The following ZDHHC17 variants were observed in gnomAD, a reference collection of about 807,000 sequenced individuals.
ZDHHC17 encodes zDHHC palmitoyltransferase 17, also known as palmitoyltransferase ZDHHC17.
Under a neutral mutation model 90.3 loss-of-function variants are expected in ZDHHC17, and 40 were observed. The ratio of observed to expected loss-of-function variants is 0.44; its 90% CI spans 0.34 to 0.58. ZDHHC17 has a LOEUF of 0.58. Ranked by LOEUF, ZDHHC17 falls within the 20% of genes least tolerant of loss-of-function variation. ZDHHC17 has a pLI of 0.01. For synonymous variants in ZDHHC17, 235 were observed against 252.4 expected (o/e 0.93, Z 0.65); for missense variants, 614 against 780.8 (o/e 0.79, Z 2.55).
intron 10 of ZDHHC17, among the ~76,000 whole-genome samples, chr12:76,833,086 A>G (rs1953324247): frequency 6.6e-6 from 1 of 152,138 alleles, no homozygotes; most frequent in South Asian, 2.1e-4. Context: ...TTATGGTGAT[A>G]ATGAATTTTA....
intron 1 of ZDHHC17, among the ~76,000 whole-genome samples, chr12:76,768,489 A>C (rs889672652): frequency 2.9e-4 from 44 of 152,386 alleles, no homozygotes; most frequent in African/African-American, 9.4e-4. Context: ...TAAAAAAGAT[A>C]GCATATGTTT....
intron 1 of ZDHHC17, among the ~76,000 whole-genome samples, chr12:76,786,995 A>G (rs1224423028): frequency 6.6e-6 from 1 of 152,204 alleles, no homozygotes; most frequent in Non-Finnish European, 1.5e-5. Context: ...TTGCCATTCA[A>G]ATTACATTTT....
chr12:76,765,305 A>G (rs576479629), intron 1 of ZDHHC17, among the ~76,000 whole-genome samples: 158 of 152,348 alleles, frequency 1.0e-3, no homozygotes, highest in African/African-American at 3.7e-3. Flanking sequence ...GGTTTGTACC[A>G]TGCCACTAGT....
At chr12:76,823,897 A>C (rs11115603) in intron 8 of ZDHHC17, among the ~76,000 whole-genome samples, 91,098 of 151,884 alleles carry the variant, frequency 0.6, 27,376 homozygotes, top group East Asian at 0.67. Flanking sequence ...TAGATATGAT[A>C]TAGAAAATGA....
intron 2 of ZDHHC17, among the ~76,000 whole-genome samples, chr12:76,804,544 T>C (rs1325850302): frequency 1.3e-5 from 2 of 152,220 alleles, no homozygotes; most frequent in Admixed American, 6.5e-5. Context: ...ACATGGCTTA[T>C]GCACCTAGTG....
At chr12:76,849,338 AAAAC>A in intron 15 of ZDHHC17, 34 bp from the exon 16 acceptor site, 2 of 1,135,448 alleles carry the variant, frequency 1.8e-6, no homozygotes, top group South Asian at 1.5e-5. Flanking sequence ...AAAAAAAAAA[AAAAC>A]AAGAATAATG....
intron 1 of ZDHHC17, among the ~76,000 whole-genome samples, chr12:76,793,299 C>G (rs373073144): frequency 6.6e-6 from 1 of 152,194 alleles, no homozygotes; most frequent in Non-Finnish European, 1.5e-5. Flanking sequence ...AGTGGTAGAT[C>G]ACTTCAGGCC....
intron 8 of ZDHHC17, among the ~76,000 whole-genome samples, chr12:76,823,739 T>C (rs533704416): frequency 1.3e-5 from 2 of 152,316 alleles, no homozygotes; most frequent in East Asian, 1.9e-4. Context: ...TTATAGGAGT[T>C]TGGACTTCTT....
At chr12:76,791,900 AG>A (rs1334904824) in intron 1 of ZDHHC17, among the ~76,000 whole-genome samples, 3 of 152,204 alleles carry the variant, frequency 2.0e-5, no homozygotes, top group Non-Finnish European at 4.4e-5. Context: ...GATACAACTC[AG>A]GAACAGCCAG....
chr12:76,846,661 A>G lies in ZDHHC17; in HGVS notation c.1489A>G (p.Ile497Val). 6.2e-7 allele frequency: 1 copy of G among 1,610,352 alleles called. No homozygotes were observed. Among genetic ancestry groups the G allele is most frequent in the African/African-American group, 1.3e-5 (1 of 75,024 alleles). ...CTTGCTTTTTATGATCTGCTGGATGATTTATGGTTGTATATCTTGTGAGTA... is the reference window on the plus strand; with the variant it reads ...CTTGCTTTTTATGATCTGCTGGATGGTTTATGGTTGTATATCTTGTGAGTA... ...FFLLFMICWMIYGCISYWGLH... is the reference protein window; with the variant it reads ...FFLLFMICWMVYGCISYWGLH... The change falls in exon 14 of 17, where the codon ATT becomes GTT. Residue 497 changes from isoleucine (I) to valine (V), a missense_variant. Around this residue, in one of 5 missense-constraint regions of ZDHHC17, gnomAD observed 111 missense variants for 179.8 expected, o/e 0.62. Transcript: ENST00000426126.
At chr12:76,832,981 A>G (rs1953322857) in intron 10 of ZDHHC17, among the ~76,000 whole-genome samples, 1 of 152,166 alleles carries the variant, frequency 6.6e-6, no homozygotes, top group South Asian at 2.1e-4. Context: ...TTACAAATAA[A>G]TTTTATCATG....
rs1953557456 is a variant in ZDHHC17, at chr12:76,850,783, T to A, written c.1761-64T>A. On this transcript the variant is annotated intron_variant, in intron 16 of 16. Coordinates refer to ENST00000426126, the MANE Select transcript of ZDHHC17 (RefSeq NM_015336.4). ...AATATATTTAACACGAAAATTATATTGAATTCATGTATTAAATCATTTGTA... is the reference window on the plus strand; with the variant it reads ...AATATATTTAACACGAAAATTATATAGAATTCATGTATTAAATCATTTGTA... The A allele has an allele frequency of 2.6e-6, 4 of 1,541,700 alleles. No individual in the cohort carries two copies. The South Asian group carries it at 5.0e-5, about 19-fold the overall frequency.
chr12:76,780,847 C>T (rs1938475145), intron 1 of ZDHHC17, among the ~76,000 whole-genome samples: 1 of 152,096 alleles, frequency 6.6e-6, no homozygotes, highest in Admixed American at 6.5e-5. Context: ...ATAGGCCGGG[C>T]GCTGTGGCTT....
intron 1 of ZDHHC17, among the ~76,000 whole-genome samples, chr12:76,784,447 G>A (rs1353680892): frequency 1.3e-5 from 2 of 152,140 alleles, no homozygotes; most frequent in Non-Finnish European, 2.9e-5. Context: ...GAAATCAGCA[G>A]TATATAAATG....
chr12:76,822,638 C>T (rs1387447096), intron 8 of ZDHHC17, 107 bp downstream of exon 8: 7 of 836,512 alleles, frequency 8.4e-6, no homozygotes, highest in Non-Finnish European at 9.4e-6. Context: ...CACTGCAATC[C>T]CTGCCTCTCG....
Position 76,768,296 on chromosome 12 carries a change from G to GT in ZDHHC17, c.93+3968dup, listed in dbSNP as rs1259720350. On this transcript the variant is annotated intron_variant, in intron 1 of 16. Coordinates refer to ENST00000426126, the MANE Select transcript of ZDHHC17 (RefSeq NM_015336.4). ...GTTCTAGCTCAGTGACCTTGAGCTA[G>GT]TAGGTATTTAACTGGTCTCAGTTTT... 3.3e-5 allele frequency among the ~76,000 whole-genome samples: 5 copies of GT among 152,210 alleles called. No individual in the cohort carries two copies. In the East Asian group the frequency reaches 9.6e-4, roughly 29 times the overall value.
At chr12:76,821,215 G>A in intron 7 of ZDHHC17, 1 of 1,122,736 alleles carries the variant, frequency 8.9e-7, no homozygotes, top group Non-Finnish European at 1.1e-6. Context: ...CAACTTAGGT[G>A]ATGGAATTTT....
chr12:76,828,328 A>G, intron 9 of ZDHHC17, 62 bp from the exon 10 acceptor site: 1 of 1,366,372 alleles, frequency 7.3e-7, no homozygotes, highest in Non-Finnish European at 1.0e-6. Flanking sequence ...TTTCATTTAA[A>G]TAAATACTCA....
At chr12:76,781,709 A>G (rs1397273008) in intron 1 of ZDHHC17, 3 of 455,650 alleles carry the variant, frequency 6.6e-6, no homozygotes, top group East Asian at 6.9e-5. Flanking sequence ...TTTTCTTTAT[A>G]AATTACCCAG....
Sources: allele counts gnomAD v4.1 joint callset (sites outside exome capture counted in the v4.1 genomes callset), GRCh38; gene constraint gnomAD v4.1.1; regional missense constraint gnomAD v4.1.1; transcripts MANE v1.5; gene names NCBI Gene and HGNC (gene_info 2026-07-23, HGNC 2026-07-21).